Variants in TCF7L2 observed in about 807,000 individuals in gnomAD.
TCF7L2 encodes the protein transcription factor 7-like 2.
A neutral mutation model predicts 77.9 loss-of-function variants in TCF7L2; 23 were observed. The observed-to-expected ratio is 0.30, with a 90% CI of 0.21 to 0.42. The LOEUF is 0.42. TCF7L2 is among the 10% of genes least tolerant of loss of function. The pLI is 1.00. For synonymous variants in TCF7L2, 413 were observed against 340.2 expected, an observed-to-expected ratio of 1.21 and a Z score of -2.36; for missense variants, 654 against 793.1, an observed-to-expected ratio of 0.82 and a Z score of 2.11.
intron 4 of TCF7L2, among the ~76,000 whole-genome samples, chr10:112,985,377 G>A (rs2041286500): frequency 6.6e-6 from 1 of 152,054 alleles, no homozygotes; most frequent in Non-Finnish European, 1.5e-5. Context: ...CCTTCCATGG[G>A]AATTCATTTG....
intron 5 of TCF7L2, chr10:113,129,693 A>C: frequency 8.4e-7 from 1 of 1,196,058 alleles, no homozygotes; most frequent in Non-Finnish European, 1.1e-6. Context: ...CGATCTTTTT[A>C]GATGCTTTTT....
chr10:113,073,099 C>CTGTGTGTGT (rs145753150), intron 5 of TCF7L2, among the ~76,000 whole-genome samples: 4 of 103,962 alleles, frequency 3.8e-5, no homozygotes, highest in Non-Finnish European at 7.5e-5. Context: ...AGGGCCAGGT[C>CTGTGTGTGT]GTGTGTGTGT....
intron 3 of TCF7L2, among the ~76,000 whole-genome samples, chr10:112,963,683 A>T (rs181671104): frequency 6.6e-6 from 1 of 152,332 alleles, no homozygotes; most frequent in Non-Finnish European, 1.5e-5. Context: ...GGATCCCAAG[A>T]TTAGCAAGTA....
At chr10:113,136,544 T>C (rs2067428331) in intron 5 of TCF7L2, among the ~76,000 whole-genome samples, 1 of 152,224 alleles carries the variant, frequency 6.6e-6, no homozygotes, top group East Asian at 1.9e-4. Flanking sequence ...AACTTGAACA[T>C]TGGTTCGCTG....
chr10:112,951,146 C>T, intron 1 of TCF7L2, 61 bp from the exon 2 acceptor site: 2 of 1,448,916 alleles, frequency 1.4e-6, no homozygotes, highest in Non-Finnish European at 1.9e-6. Flanking sequence ...TTTTCTCCCC[C>T]TTCTCCCCCT....
rs373786915 is a variant in TCF7L2 at position 113,167,487 on chromosome 10, TA to T, written c.*1516del. The T allele has an allele frequency of 1.4e-5, 3 of 220,868 alleles. No individual in the cohort carries two copies. Among genetic ancestry groups the T allele is most frequent in the African/African-American group, 6.7e-5 (3 of 44,642 alleles). 13.7% of individuals were successfully genotyped at this position (220,868 alleles called of 1,614,324 possible). ...TTCTCTGGTTTATTAAAATGCTAAC[TA>T]TAACATTTTTTGTGAATACTTTGAA... On this transcript the variant is annotated 3_prime_UTR_variant, in exon 14 of 14. Transcript: ENST00000627217.
rs543348572 is a variant in TCF7L2 at position 113,121,262 on chromosome 10, C to T, written c.553-19922C>T. 5.9e-5 allele frequency among the ~76,000 whole-genome samples: 9 copies of T among 152,310 alleles called. No individual in the cohort carries two copies. In the South Asian group the frequency reaches 1.5e-3, roughly 25 times the overall value. On this transcript the variant is annotated intron_variant, in intron 5 of 13. Transcript: ENST00000627217. ...AGCCTTGCCCCTCTTCTCGCTCTCC[C>T]GCCCTCTTCCTTCCTTCCTCTCCTA...
intron 5 of TCF7L2, among the ~76,000 whole-genome samples, chr10:113,061,005 G>T (rs2056351338): frequency 6.6e-6 from 1 of 152,132 alleles, no homozygotes; most frequent in African/African-American, 2.4e-5. Context: ...TAAGCTCCTT[G>T]GTTATCTCAC....
At position 113,034,891 on chromosome 10, in the gene TCF7L2, A is replaced by G. The variant is rs559942307; in HGVS notation, c.451-5134A>G. On this transcript the variant is annotated intron_variant, in intron 4 of 13. Coordinates refer to ENST00000627217, the MANE Select transcript of TCF7L2 (RefSeq NM_001146274.2). ...AGCCTAGGCAACAGAGTAAGACTGTATCTCAAAAATACCATAATTCGTTTT... is the reference window on the plus strand; with the variant it reads ...AGCCTAGGCAACAGAGTAAGACTGTGTCTCAAAAATACCATAATTCGTTTT... 2.6e-5 allele frequency among the ~76,000 whole-genome samples: 4 copies of G among 152,172 alleles called. No individual in the cohort carries two copies. The South Asian group carries it at 8.3e-4, about 32-fold the overall frequency.
chr10:113,091,382 T>C (rs1464859385), intron 5 of TCF7L2, among the ~76,000 whole-genome samples: 1 of 152,190 alleles, frequency 6.6e-6, no homozygotes, highest in East Asian at 1.9e-4. Flanking sequence ...AGTAACTTCA[T>C]GTACTAAAGT....
chr10:113,101,110 A>C (rs187172691), intron 5 of TCF7L2, among the ~76,000 whole-genome samples: 8 of 152,140 alleles, frequency 5.3e-5, no homozygotes, highest in African/African-American at 1.7e-4. Context: ...TTCAATGTGT[A>C]TCTTATCCTT....
chr10:112,966,184 T>TATATATATATATATATATATATATATATA (rs2036754580), intron 4 of TCF7L2, among the ~76,000 whole-genome samples: 6 of 114,228 alleles, frequency 5.3e-5, no homozygotes, highest in African/African-American at 2.9e-4. Context: ...TAAAATATAT[T>TATATATATATATATATATATATATATATA]TATATATATA....
chr10:112,983,805 G>C (rs1189684181), intron 4 of TCF7L2, among the ~76,000 whole-genome samples: 1 of 152,214 alleles, frequency 6.6e-6, no homozygotes, highest in East Asian at 1.9e-4. Context: ...AGGTGAGTCT[G>C]TGCACACAGC....
intron 5 of TCF7L2, among the ~76,000 whole-genome samples, chr10:113,083,946 C>T (rs1353589928): frequency 1.3e-5 from 2 of 152,150 alleles, no homozygotes; most frequent in Non-Finnish European, 2.9e-5. Flanking sequence ...TGGTCCTGGA[C>T]AGGCCCTTTT....
rs1405483278 is a variant in TCF7L2 at position 112,952,128 on chromosome 10, TAG to T, written c.381+526_381+527del. On this transcript the variant is annotated intron_variant, in intron 3 of 13. Transcript: ENST00000627217. ...ACTGTGCTGCGCCCGATGCGCGGGG[TAG>T]AGAGTGGGTTTCCTCCAGGCATTGG... Among the ~76,000 whole-genome samples the T allele has an allele frequency of 3.3e-5, 5 of 152,118 alleles. No individual in the cohort carries two copies. In the South Asian group the frequency reaches 6.2e-4, roughly 19 times the overall value.
intron 13 of TCF7L2, among the ~76,000 whole-genome samples, chr10:113,163,938 C>A (rs1331288912): frequency 6.6e-6 from 1 of 152,222 alleles, no homozygotes; most frequent in South Asian, 2.1e-4. Context: ...TCAGCACACC[C>A]TTCCTTTCCA....
Position 113,151,157 on chromosome 10 carries a change from G to T in TCF7L2, c.1001+34G>T, listed in dbSNP as rs1365545952. On this transcript the variant is annotated intron_variant, in intron 9 of 13. Coordinates refer to ENST00000627217, the MANE Select transcript of TCF7L2 (RefSeq NM_001146274.2). This position sits in a 1 kb window ranked among gnomAD's most constrained non-coding sequence, Gnocchi z 5.2. ...TGCTGTTTTTCTCACCTTCTTCGTAGCCGCAGTGTTCTGCAAGCCTGTTGC... is the reference window on the plus strand; with the variant it reads ...TGCTGTTTTTCTCACCTTCTTCGTATCCGCAGTGTTCTGCAAGCCTGTTGC... 1 of 1,613,786 alleles carries T rather than the reference G, an allele frequency of 6.2e-7. No individual in the cohort carries two copies. Among genetic ancestry groups the T allele is most frequent in the Admixed American group, 1.7e-5 (1 of 60,016 alleles).
At chr10:113,082,350 T>G (rs1157841349) in intron 5 of TCF7L2, among the ~76,000 whole-genome samples, 1 of 130,032 alleles carries the variant, frequency 7.7e-6, no homozygotes, top group African/African-American at 2.9e-5. Context: ...AAAAATTATC[T>G]TTACCCATTT....
chr10:113,146,634 TA>T (rs908214193), intron 8 of TCF7L2, among the ~76,000 whole-genome samples: 28 of 149,332 alleles, frequency 1.9e-4, no homozygotes, highest in Admixed American at 9.3e-4. Context: ...TTTTTTTTTT[TA>T]AAAAAAAGAT....
Sources: gnomAD v4.1 joint callset for allele counts (sites outside exome capture counted in the v4.1 genomes callset) on GRCh38, gnomAD v4.1.1 for gene constraint, Gnocchi (gnomAD v3.1) non-coding constraint, MANE v1.5 for transcripts, NCBI Gene and HGNC (gene_info 2026-07-23, HGNC 2026-07-21) for gene names.